Variants in MARCHF1 observed in about 807,000 individuals in gnomAD.
MARCHF1 encodes membrane associated ring-CH-type finger 1.
A neutral mutation model predicts 54.2 loss-of-function variants in MARCHF1; 40 were observed. That is an observed-to-expected ratio of 0.74 (90% CI 0.57 to 0.96). The LOEUF is 0.96. MARCHF1 is among the 40% of genes least tolerant of loss of function. MARCHF1 has a pLI of 0.00. For synonymous variants in MARCHF1, 236 were observed against 236.3 expected (o/e 1.00, Z 0.01); for missense variants, 586 against 656.5 (o/e 0.89, Z 1.17).
chr4:163,910,788 C>T (rs1032254401), intron 3 of MARCHF1, among the ~76,000 whole-genome samples: 1 of 152,168 alleles, frequency 6.6e-6, no homozygotes, highest in South Asian at 2.1e-4. Flanking sequence ...TGAGCCACCA[C>T]GCCCAGCCCA....
At chr4:164,333,942 C>T (rs1729652460) in intron 1 of MARCHF1, among the ~76,000 whole-genome samples, 1 of 152,182 alleles carries the variant, frequency 6.6e-6, no homozygotes, top group Non-Finnish European at 1.5e-5. Flanking sequence ...GAAGATCAAA[C>T]CAGCCACAAT....
chr4:164,101,291 G>A (rs1164558110), intron 2 of MARCHF1, among the ~76,000 whole-genome samples: 1 of 151,532 alleles, frequency 6.6e-6, no homozygotes, highest in Non-Finnish European at 1.5e-5. Flanking sequence ...TGCCTCTGTA[G>A]GCTCCACCTC....
At chr4:163,893,197 T>A (rs1240869303) in intron 3 of MARCHF1, among the ~76,000 whole-genome samples, 1 of 152,054 alleles carries the variant, frequency 6.6e-6, no homozygotes, top group Non-Finnish European at 1.5e-5. Flanking sequence ...TGGGATGCAG[T>A]GGCGGGATCT....
intron 1 of MARCHF1, among the ~76,000 whole-genome samples, chr4:164,181,764 T>A (rs1476121929): frequency 6.6e-6 from 1 of 152,180 alleles, no homozygotes; most frequent in Non-Finnish European, 1.5e-5. Flanking sequence ...TATTCTTCCT[T>A]AGATTTATGA....
chr4:163,932,606 C>T (rs924107959), intron 3 of MARCHF1: 3 of 398,368 alleles, frequency 7.5e-6, no homozygotes, highest in South Asian at 4.1e-5. Context: ...AGGCCATGAC[C>T]AAGCAGGGCA....
chr4:163,744,739 T>A (rs910003018), intron 4 of MARCHF1, among the ~76,000 whole-genome samples: 1 of 152,184 alleles, frequency 6.6e-6, no homozygotes, highest in African/African-American at 2.4e-5. Context: ...TCCTTTTACA[T>A]ATGTGTGTTT....
At chr4:164,088,369 G>A (rs1755232675) in intron 2 of MARCHF1, among the ~76,000 whole-genome samples, 1 of 152,160 alleles carries the variant, frequency 6.6e-6, no homozygotes, top group South Asian at 2.1e-4. Flanking sequence ...TTAGTCAAGA[G>A]TAGTCTATAA....
intron 1 of MARCHF1, among the ~76,000 whole-genome samples, chr4:164,125,962 G>C (rs1756170709): frequency 6.6e-6 from 1 of 152,190 alleles, no homozygotes; most frequent in South Asian, 2.1e-4. Context: ...ACTGGTCCCT[G>C]GTGTCAAAAA....
intron 4 of MARCHF1, among the ~76,000 whole-genome samples, chr4:163,796,994 C>G (rs1439754518): frequency 6.6e-6 from 1 of 152,052 alleles, no homozygotes; most frequent in Admixed American, 6.6e-5. Flanking sequence ...TTTCTTATAT[C>G]TCAAACCTTC....
intron 4 of MARCHF1, among the ~76,000 whole-genome samples, chr4:163,792,960 TTC>T (rs1021023010): frequency 6.6e-6 from 1 of 152,192 alleles, no homozygotes; most frequent in Non-Finnish European, 1.5e-5. Context: ...GTGCTGAAAT[TTC>T]TCTGTCTCCT....
chr4:163,764,351 C>T (rs1313699044), intron 4 of MARCHF1, among the ~76,000 whole-genome samples: 6 of 151,970 alleles, frequency 3.9e-5, no homozygotes, highest in South Asian at 2.1e-4. Flanking sequence ...GGTAAGAAAT[C>T]GTATCCAGAA....
chr4:163,929,109 C>A (rs1006316395), intron 3 of MARCHF1, among the ~76,000 whole-genome samples: 3 of 151,974 alleles, frequency 2.0e-5, no homozygotes, highest in African/African-American at 7.2e-5. Flanking sequence ...AAGTAGGATA[C>A]TTTCTCTCAT....
chr4:163,965,723 T>C (rs1752429774), intron 3 of MARCHF1, among the ~76,000 whole-genome samples: 1 of 152,102 alleles, frequency 6.6e-6, no homozygotes, highest in South Asian at 2.1e-4. Context: ...TTAAACCAAG[T>C]TGATCTATGT....
chr4:164,257,558 C>A, intron 1 of MARCHF1, among the ~76,000 whole-genome samples: 1 of 150,988 alleles, frequency 6.6e-6, no homozygotes. Context: ...TTTGAAAAAC[C>A]ATGGGATAGT....
At chr4:164,346,918 A>C (rs996233507) in intron 1 of MARCHF1, among the ~76,000 whole-genome samples, 1 of 152,036 alleles carries the variant, frequency 6.6e-6, no homozygotes, top group African/African-American at 2.4e-5. Flanking sequence ...GTAAATGTAA[A>C]TACAAAATAT....
At chr4:164,102,661 T>C (rs1560905353) in intron 2 of MARCHF1, among the ~76,000 whole-genome samples, 2 of 151,722 alleles carry the variant, frequency 1.3e-5, no homozygotes, top group South Asian at 2.1e-4. Flanking sequence ...TGCAAAATCA[T>C]GCCAAAATGT....
chr4:164,331,308 C>T (rs1447234142), intron 1 of MARCHF1, among the ~76,000 whole-genome samples: 1 of 151,800 alleles, frequency 6.6e-6, no homozygotes, highest in Non-Finnish European at 1.5e-5. Flanking sequence ...TGCTGAATAG[C>T]TAAGGTCCTG....
chr4:163,699,307 A>C (rs1480500156), intron 5 of MARCHF1, among the ~76,000 whole-genome samples: 1 of 152,232 alleles, frequency 6.6e-6, no homozygotes, highest in Non-Finnish European at 1.5e-5. Context: ...TGGTGTTGCA[A>C]GACAGAGATA....
chr4:163,930,999 G>C (rs1404383329), intron 3 of MARCHF1, among the ~76,000 whole-genome samples: 1 of 152,114 alleles, frequency 6.6e-6, no homozygotes. Flanking sequence ...GGGGACTTTA[G>C]GAGGTAACAA....
Sources: gnomAD v4.1 joint callset for allele counts (sites outside exome capture counted in the v4.1 genomes callset) on GRCh38, gnomAD v4.1.1 for gene constraint, MANE v1.5 for transcripts, NCBI Gene and HGNC (gene_info 2026-07-23, HGNC 2026-07-21) for gene names.